RIMOC1: variants seen among roughly 807,000 people sequenced by gnomAD.
RIMOC1 encodes RAB7A interacting MON1-CCZ1 complex subunit 1, also known as RAB7A-interacting MON1-CCZ1 complex subunit 1.
the RIMOC1 span, among the ~76,000 whole-genome samples, chr5:41,905,755 A>C: frequency 6.6e-6 from 1 of 152,234 alleles, no homozygotes; most frequent in Non-Finnish European, 1.5e-5. Flanking sequence ...TTCACTTATC[A>C]CTGAACTAAA....
At chr5:41,906,580 T>C in the RIMOC1 span, among the ~76,000 whole-genome samples, 2 of 152,196 alleles carry the variant, frequency 1.3e-5, no homozygotes, top group Admixed American at 1.3e-4. Context: ...GTAGAATCTT[T>C]TTCTACATTG....
the RIMOC1 span, among the ~76,000 whole-genome samples, chr5:41,915,527 A>G: frequency 6.6e-6 from 1 of 152,188 alleles, no homozygotes; most frequent in African/African-American, 2.4e-5. Flanking sequence ...AAGACTGGGA[A>G]GAAAAAATAG....
the RIMOC1 span, chr5:41,911,273 G>A: frequency 2.5e-6 from 3 of 1,194,738 alleles, no homozygotes; most frequent in Middle Eastern, 3.0e-4. Flanking sequence ...TGGATCAAAG[G>A]GTCTGAGTTT....
chr5:41,915,590 A>T, the RIMOC1 span, among the ~76,000 whole-genome samples: 1 of 152,196 alleles, frequency 6.6e-6, no homozygotes, highest in Non-Finnish European at 1.5e-5. Flanking sequence ...ATCATGGCAG[A>T]AGGCAGAAGG....
At chr5:41,910,031 A>G in the RIMOC1 span, 12 of 649,782 alleles carry the variant, frequency 1.8e-5, 1 homozygote, top group South Asian at 2.5e-4. Flanking sequence ...AAAAGAGCTT[A>G]ACACTTCAGA....
At chr5:41,909,925 A>C in the RIMOC1 span, 1 of 1,505,590 alleles carries the variant, frequency 6.6e-7, no homozygotes, top group Non-Finnish European at 9.0e-7. Flanking sequence ...TTATGATGGA[A>C]TATTGCTGGT....
chr5:41,911,355 A>G, the RIMOC1 span: 2 of 451,518 alleles, frequency 4.4e-6, no homozygotes, highest in East Asian at 7.7e-5. Context: ...ACTAAATCAG[A>G]TAACATGTGA....
At chr5:41,907,672 GTTTT>G in the RIMOC1 span, 1 of 944,556 alleles carries the variant, frequency 1.1e-6, no homozygotes, top group Non-Finnish European at 1.6e-6. Context: ...TACATAATGT[GTTTT>G]TTGTTTAAAT....
the RIMOC1 span, chr5:41,912,255 T>C: frequency 1.2e-6 from 1 of 851,118 alleles, no homozygotes; most frequent in African/African-American, 1.7e-5. Context: ...TTGTTAGATT[T>C]CACTCTGATT....
At chr5:41,908,253 T>G in the RIMOC1 span, 1 of 150,008 alleles carries the variant, frequency 6.7e-6, no homozygotes, top group Non-Finnish European at 1.5e-5. Context: ...GTCATGCATA[T>G]CTATGTGATT....
At chr5:41,907,961 G>T in the RIMOC1 span, 1 of 655,738 alleles carries the variant, frequency 1.5e-6, no homozygotes, top group Non-Finnish European at 2.5e-6. Flanking sequence ...GTTTAATTTT[G>T]TCCAAAAAAC....
chr5:41,917,612 T>C, the RIMOC1 span: 5 of 1,002,986 alleles, frequency 5.0e-6, no homozygotes, highest in Non-Finnish European at 6.0e-6. Context: ...TTTTTTTTTA[T>C]TGTGGTATAT....
chr5:41,910,314 T>A, the RIMOC1 span, among the ~76,000 whole-genome samples: 116 of 152,100 alleles, frequency 7.6e-4, no homozygotes, highest in East Asian at 0.018. Context: ...TTCCACTTCT[T>A]CATCTCTGAA....
the RIMOC1 span, chr5:41,918,049 A>T: frequency 1.0e-6 from 1 of 985,252 alleles, no homozygotes; most frequent in Non-Finnish European, 1.2e-6. Flanking sequence ...CTGAAATTTT[A>T]ATGTTTTTTG....
the RIMOC1 span, chr5:41,918,034 A>G: frequency 4.1e-6 from 4 of 985,562 alleles, no homozygotes; most frequent in Non-Finnish European, 3.6e-6. Flanking sequence ...TCTTTTCATA[A>G]CATACTGAAA....
the RIMOC1 span, chr5:41,904,398 C>T: frequency 1.2e-6 from 2 of 1,614,002 alleles, no homozygotes; most frequent in South Asian, 2.2e-5. Flanking sequence ...TGTGGTGAGA[C>T]GAGTGGAAGA....
the RIMOC1 span, among the ~76,000 whole-genome samples, chr5:41,913,645 C>T: frequency 6.6e-6 from 1 of 152,128 alleles, no homozygotes; most frequent in East Asian, 1.9e-4. Flanking sequence ...TAGAGTACCT[C>T]TTTGGAAATA....
At chr5:41,916,751 C>A in the RIMOC1 span, among the ~76,000 whole-genome samples, 1 of 152,132 alleles carries the variant, frequency 6.6e-6, no homozygotes, top group Non-Finnish European at 1.5e-5. Flanking sequence ...CCAAAAAGGT[C>A]AAAAACACCT....
the RIMOC1 span, chr5:41,912,164 A>T: frequency 6.2e-7 from 1 of 1,600,788 alleles, no homozygotes; most frequent in Non-Finnish European, 8.6e-7. Flanking sequence ...ATCTAGACAC[A>T]GCTAAATTAC....
Sources: allele counts gnomAD v4.1 joint callset (sites outside exome capture counted in the v4.1 genomes callset), GRCh38; gene constraint gnomAD v4.1.1; transcripts MANE v1.5; gene names NCBI Gene and HGNC (gene_info 2026-07-23, HGNC 2026-07-21).